The following CALD1 variants were observed in gnomAD, a reference collection of about 807,000 sequenced individuals.
CALD1 encodes caldesmon.
CALD1 carries 33 observed loss-of-function variants against 99.9 expected under a neutral mutation model. The ratio of observed to expected loss-of-function variants is 0.33; its 90% CI spans 0.25 to 0.44. The LOEUF (loss-of-function observed/expected upper bound fraction) is 0.44. Ranked by LOEUF, CALD1 falls within the 20% of genes least tolerant of loss-of-function variation. The probability of loss-of-function intolerance (pLI) is 1.00; values close to 1 mark genes in which losing one functional copy is unlikely to be tolerated. For synonymous variants in CALD1, 310 were observed against 325.0 expected (o/e 0.95, Z 0.50); for missense variants, 861 against 962.1 (o/e 0.89, Z 1.39).
the CALD1 span, among the ~76,000 whole-genome samples, chr7:134,730,029 A>T: frequency 1.2e-4 from 19 of 152,298 alleles, no homozygotes; most frequent in Admixed American, 1.1e-3. Flanking sequence ...ACACAGTCAC[A>T]GATGAGAGAG....
At chr7:134,744,260 G>A (rs565174514) in exon 1 of CALD1, 2 of 152,142 alleles carry the variant, frequency 1.3e-5, no homozygotes, top group Non-Finnish European at 2.9e-5. Flanking sequence ...AAATATTCAA[G>A]CCTGCTCTCA....
intron 3 of CALD1, among the ~76,000 whole-genome samples, chr7:134,889,898 TTTTTG>T (rs972691583): frequency 8.5e-5 from 13 of 152,158 alleles, no homozygotes; most frequent in South Asian, 2.1e-4. Context: ...ATGACTTCAT[TTTTTG>T]TTTTGTTTTG....
intron 9 of CALD1, among the ~76,000 whole-genome samples, chr7:134,953,335 C>A (rs960225239): frequency 6.6e-6 from 1 of 151,938 alleles, no homozygotes; most frequent in African/African-American, 2.4e-5. Context: ...AAAAATTAGC[C>A]AGGCAAAGTG....
intron 2 of CALD1, among the ~76,000 whole-genome samples, chr7:134,845,993 C>T (rs1799836746): frequency 6.6e-6 from 1 of 152,190 alleles, no homozygotes; most frequent in South Asian, 2.1e-4. Context: ...TGAGCCTTCT[C>T]CTACCCACCT....
chr7:134,911,198 CTTTTTTTTTT>C lies in CALD1; in HGVS notation c.72-17545_72-17536del, dbSNP rs964515625. Among the ~76,000 whole-genome samples the C allele has an allele frequency of 1.7e-3, 197 of 118,130 alleles. 1 individual carries two copies. The highest frequency in any genetic ancestry group is 5.7e-3 in the African/African-American group (182 of 32,176). The allele number at this position is 118,130 out of a possible 152,430, so 77.5% of individuals were successfully genotyped here. A position where few individuals can be genotyped will look rare whatever the true frequency, so the allele number is the denominator to read the frequency against. ...AAACCTGAGAGGTCATTTCCTTTTTCTTTTTTTTTTTTTTTTTTTTGGTGAATGATCAGGC... is the reference window on the plus strand; with the variant it reads ...AAACCTGAGAGGTCATTTCCTTTTTCTTTTTTTTTTGGTGAATGATCAGGC... On this transcript the variant is annotated intron_variant, in intron 3 of 14. Transcript: ENST00000361675.
At chr7:134,895,355 G>A (rs1056977105) in intron 3 of CALD1, among the ~76,000 whole-genome samples, 5 of 147,638 alleles carry the variant, frequency 3.4e-5, no homozygotes, top group African/African-American at 1.0e-4. Flanking sequence ...TGTATTTAGT[G>A]GAAACTCTTT....
chr7:134,855,707 G>C (rs1800269788), intron 2 of CALD1, among the ~76,000 whole-genome samples: 1 of 152,118 alleles, frequency 6.6e-6, no homozygotes, highest in Admixed American at 6.5e-5. Flanking sequence ...AGTGATCTTT[G>C]GTTACTTAAT....
intron 4 of CALD1, 72 bp from the exon 5 acceptor site, chr7:134,932,916 C>T: frequency 9.6e-7 from 1 of 1,046,430 alleles, no homozygotes; most frequent in African/African-American, 1.6e-5. Flanking sequence ...TCCTGGGTAG[C>T]ACAGGCTGTA....
At chr7:134,772,314 C>T (rs1290399430) in intron 1 of CALD1, among the ~76,000 whole-genome samples, 3 of 152,092 alleles carry the variant, frequency 2.0e-5, no homozygotes, top group Non-Finnish European at 4.4e-5. Flanking sequence ...AGGCTGGCCT[C>T]AAACTCCTGG....
intron 3 of CALD1, among the ~76,000 whole-genome samples, chr7:134,895,301 TG>T (rs367944509): frequency 5.1e-5 from 1 of 19,760 alleles, no homozygotes; most frequent in East Asian, 2.1e-3. Context: ...TATATGTATG[TG>T]TGTGTGTGTG....
Position 134,969,726 on chromosome 7 carries a change from A to G in CALD1, c.*1381A>G, listed in dbSNP as rs1442350001. 7 of 152,206 alleles carry G rather than the reference A, an allele frequency of 4.6e-5. No individual in the cohort carries two copies. The highest frequency in any genetic ancestry group is 3.9e-4 in the Admixed American group (6 of 15,268). The allele number at this position is 152,206 out of a possible 1,614,324, so 9.4% of individuals were successfully genotyped here. ...TTCTACTAGTTTTACTTTCTCCCCC[A>G]AGTCTTTTTTAACTCATGATTTTTA... On this transcript the variant is annotated 3_prime_UTR_variant, in exon 15 of 15. Coordinates refer to ENST00000361675, the MANE Select transcript of CALD1 (RefSeq NM_033138.4).
intron 1 of CALD1, among the ~76,000 whole-genome samples, chr7:134,780,964 T>C (rs1007278398): frequency 1.3e-5 from 2 of 152,198 alleles, no homozygotes; most frequent in African/African-American, 4.8e-5. Flanking sequence ...TTCCATGCAA[T>C]GCGGTAGTTT....
intron 1 of CALD1, among the ~76,000 whole-genome samples, chr7:134,787,753 T>A (rs1232130703): frequency 6.6e-6 from 1 of 152,216 alleles, no homozygotes; most frequent in Admixed American, 6.5e-5. Context: ...CACAGAAGAA[T>A]CTACCATATT....
intron 1 of CALD1, among the ~76,000 whole-genome samples, chr7:134,830,076 G>GAA (rs34049484): frequency 6.8e-6 from 1 of 146,820 alleles, no homozygotes; most frequent in Non-Finnish European, 1.5e-5. Flanking sequence ...GTTTGCTGAG[G>GAA]AAAAAAAAAA....
chr7:134,966,299 T>C (rs1808677109), intron 14 of CALD1, among the ~76,000 whole-genome samples: 1 of 152,222 alleles, frequency 6.6e-6, no homozygotes, highest in Non-Finnish European at 1.5e-5. Flanking sequence ...TTAGTTCTGG[T>C]GCAGCTACCT....
intron 3 of CALD1, among the ~76,000 whole-genome samples, chr7:134,900,906 C>T (rs1426719780): frequency 6.6e-6 from 1 of 151,914 alleles, no homozygotes; most frequent in East Asian, 1.9e-4. Flanking sequence ...GTGAAATCAG[C>T]GGAATTCAAC....
upstream of CALD1, among the ~76,000 whole-genome samples, chr7:134,741,949 T>G (rs1441993902): frequency 1.3e-5 from 2 of 151,940 alleles, no homozygotes; most frequent in Non-Finnish European, 2.9e-5. Context: ...TGTTATTGTC[T>G]TCATTCTACA....
the CALD1 span, among the ~76,000 whole-genome samples, chr7:134,711,727 T>C: frequency 5.7e-5 from 5 of 87,282 alleles, 1 homozygote; most frequent in African/African-American, 2.5e-4. Context: ...TGTGTGTGTG[T>C]CTCTCTCTCT....
Position 134,845,734 on chromosome 7 carries a change from CTG to C in CALD1, c.-42+1767_-42+1768del, listed in dbSNP as rs372011096. ...CAATGAATGAGGCCACCAAGGAAGA[CTG>C]TGTAGAGGGAGAGGAGCAGTGGCTT... On this transcript the variant is annotated intron_variant, in intron 2 of 14. Transcript: ENST00000361675. Among the ~76,000 whole-genome samples the C allele has an allele frequency of 7.7e-3, 1,169 of 152,298 alleles. 9 individuals are homozygous for C. The highest frequency in any genetic ancestry group is 0.026 in the African/African-American group (1,065 of 41,556).
Sources: allele counts gnomAD v4.1 joint callset (sites outside exome capture counted in the v4.1 genomes callset), GRCh38; gene constraint gnomAD v4.1.1; transcripts MANE v1.5; gene names NCBI Gene and HGNC (gene_info 2026-07-23, HGNC 2026-07-21).